XPO7: variants seen among roughly 807,000 people sequenced by gnomAD.
XPO7 encodes exportin 7.
A neutral mutation model predicts 144.3 loss-of-function variants in XPO7; 21 were observed. That is an observed-to-expected ratio of 0.15 (90% CI 0.10 to 0.21). The LOEUF is 0.21. Ranked by LOEUF, XPO7 falls within the 10% of genes least tolerant of loss-of-function variation. XPO7 has a pLI of 1.00. For missense variants in XPO7, 808 were observed against 1,325.8 expected, an observed-to-expected ratio of 0.61 and a Z score of 6.06; for synonymous variants, 580 against 499.6, an observed-to-expected ratio of 1.16 and a Z score of -2.15.
At chr8:22,004,111 CTT>C in intron 27 of XPO7, 81 bp downstream of exon 27, 1 of 1,567,704 alleles carries the variant, frequency 6.4e-7, no homozygotes, top group Non-Finnish European at 8.7e-7. Flanking sequence ...GCTTTAAAGT[CTT>C]TGACATCTGT....
At chr8:21,948,680 A>T (rs1305754604) in intron 1 of XPO7, among the ~76,000 whole-genome samples, 3 of 152,142 alleles carry the variant, frequency 2.0e-5, no homozygotes, top group Non-Finnish European at 2.9e-5. Context: ...TGAGGAATTG[A>T]GCTTTTCTAG....
intron 14 of XPO7, 25 bp downstream of exon 14, chr8:21,987,301 C>T (rs775781163): frequency 8.1e-6 from 13 of 1,613,356 alleles, no homozygotes; most frequent in Middle Eastern, 1.6e-4. Context: ...ATTGGCTCCC[C>T]TTAGTTCTCA....
At chr8:21,975,493 G>C (rs1452216365) in intron 6 of XPO7, among the ~76,000 whole-genome samples, 1 of 152,086 alleles carries the variant, frequency 6.6e-6, no homozygotes, top group African/African-American at 2.4e-5. Flanking sequence ...GTTAGCCTCT[G>C]GTTTTTTGTT....
chr8:21,966,216 T>G, intron 1 of XPO7: 2 of 756,476 alleles, frequency 2.6e-6, no homozygotes, highest in South Asian at 2.8e-5. Flanking sequence ...TGAATTTATT[T>G]TGACGCTTTC....
At chr8:21,966,816 A>G in intron 1 of XPO7, 41 bp from the exon 2 acceptor site, 1 of 1,575,838 alleles carries the variant, frequency 6.3e-7, no homozygotes. Flanking sequence ...TTACATTTGT[A>G]GTAGGCTGAA....
chr8:21,941,405 G>A, intron 1 of XPO7, among the ~76,000 whole-genome samples: 1 of 152,110 alleles, frequency 6.6e-6, no homozygotes, highest in East Asian at 1.9e-4. Flanking sequence ...TCTCGCCTTG[G>A]CCTTCCAAAG....
At chr8:21,991,013 T>C in intron 18 of XPO7, 94 bp downstream of exon 18, 1 of 1,149,542 alleles carries the variant, frequency 8.7e-7, no homozygotes, top group East Asian at 2.4e-5. Flanking sequence ...GGAGGCCTTT[T>C]CTGTTTTTTC....
chr8:21,995,436 T>G, intron 20 of XPO7, 56 bp from the exon 21 acceptor site: 1 of 1,493,688 alleles, frequency 6.7e-7, no homozygotes, highest in Non-Finnish European at 9.1e-7. Flanking sequence ...GAAAAACTAT[T>G]TTAAATTCTG....
intron 1 of XPO7, among the ~76,000 whole-genome samples, chr8:21,920,873 G>C (rs1207824150): frequency 6.6e-6 from 1 of 152,196 alleles, no homozygotes. Flanking sequence ...CATTCCTCAA[G>C]TAAGAAGAAT....
chr8:21,975,517 T>C (rs567531466), intron 6 of XPO7, among the ~76,000 whole-genome samples: 1 of 152,352 alleles, frequency 6.6e-6, no homozygotes, highest in South Asian at 2.1e-4. Flanking sequence ...TTTTGTGGTT[T>C]TGTTCTTATT....
chr8:21,919,778 A>G lies in XPO7; in HGVS notation c.8A>G (p.Asp3Gly). ...GAGCATGAATGGAGCAAAATGGCGG[A>G]TCATGTGCAGGTGAGAGGAGCCGCG... MA[D>G]HVQSLAQLEN... The change falls in exon 1 of 28, where the codon GAT becomes GGT. Residue 3 changes from aspartate to glycine, a missense_variant. Physicochemically the swap from Asp to Gly is moderately conservative, Grantham distance 94. This residue lies in a region of XPO7 where 223 missense variants were observed against 368.8 expected (regional missense o/e 0.60). Coordinates refer to ENST00000252512, the MANE Select transcript of XPO7 (RefSeq NM_015024.5). 1.6e-6 allele frequency: 1 copy of G among 619,352 alleles called. No homozygotes were observed. The highest frequency in any genetic ancestry group is 2.3e-6 in the Non-Finnish European group (1 of 442,658). 38.4% of individuals were successfully genotyped at this position (619,352 alleles called of 1,614,324 possible).
At chr8:21,960,787 G>A (rs1811702395) in intron 1 of XPO7, among the ~76,000 whole-genome samples, 1 of 152,162 alleles carries the variant, frequency 6.6e-6, no homozygotes, top group Non-Finnish European at 1.5e-5. Context: ...GGGAGTCGTG[G>A]TTGTAAAAGC....
In XPO7 at chr8:21,994,233, GA is replaced by G. The variant is rs1389587680; in HGVS notation, c.2149-128del. On this transcript the variant is annotated intron_variant, in intron 19 of 27. Coordinates refer to ENST00000252512, the MANE Select transcript of XPO7 (RefSeq NM_015024.5). Reference sequence around the variant, plus strand: ...TTCTAGCATAGAAGATATTGAATCCGAATATTTGAGAAGGAGTATATGTTGA... The same window carrying G: ...TTCTAGCATAGAAGATATTGAATCCGATATTTGAGAAGGAGTATATGTTGA... 5.2e-6 allele frequency: 3 copies of G among 581,552 alleles called. No individual in the cohort carries two copies. The East Asian group carries it at 9.5e-5, about 18-fold the overall frequency. The allele number at this position is 581,552 out of a possible 1,614,324, so 36.0% of individuals were successfully genotyped here. A position where few individuals can be genotyped will look rare whatever the true frequency, so the allele number is the denominator to read the frequency against.
intron 1 of XPO7, among the ~76,000 whole-genome samples, chr8:21,957,590 C>T (rs1434742399): frequency 6.6e-6 from 1 of 151,984 alleles, no homozygotes; most frequent in Non-Finnish European, 1.5e-5. Context: ...GTTTTGAATA[C>T]CTTTAGTGTT....
intron 1 of XPO7, among the ~76,000 whole-genome samples, chr8:21,950,242 G>A (rs561169016): frequency 6.6e-6 from 1 of 152,292 alleles, no homozygotes; most frequent in East Asian, 1.9e-4. Context: ...ACCAAAGCAG[G>A]AACAGAAATT....
chr8:21,990,305 T>G, intron 16 of XPO7, 39 bp from the exon 17 acceptor site: 1 of 1,605,840 alleles, frequency 6.2e-7, no homozygotes, highest in African/African-American at 1.3e-5. Context: ...AGTTTCGGCC[T>G]GCTTCACACT....
At chr8:21,976,173 A>G (rs952750732) in intron 6 of XPO7, among the ~76,000 whole-genome samples, 183 bp from the exon 7 acceptor site, 9 of 152,206 alleles carry the variant, frequency 5.9e-5, no homozygotes, top group African/African-American at 2.2e-4. Flanking sequence ...TTAATAGTAT[A>G]TAAGGAGCTA....
chr8:21,939,972 T>G (rs1448451048), intron 1 of XPO7, among the ~76,000 whole-genome samples: 1 of 152,254 alleles, frequency 6.6e-6, no homozygotes. Flanking sequence ...TAAGAACTAC[T>G]GAGTTATTAG....
intron 1 of XPO7, chr8:21,966,182 C>G: frequency 1.4e-6 from 1 of 695,928 alleles, no homozygotes; most frequent in Non-Finnish European, 2.6e-6. Context: ...CTTGTCTTAT[C>G]TGTGAGTGAG....
Sources: allele counts gnomAD v4.1 joint callset (sites outside exome capture counted in the v4.1 genomes callset), GRCh38; gene constraint gnomAD v4.1.1; regional missense constraint gnomAD v4.1.1; transcripts MANE v1.5; gene names NCBI Gene and HGNC (gene_info 2026-07-23, HGNC 2026-07-21).